The following BBS12 variants were observed in gnomAD, a reference collection of about 807,000 sequenced individuals.
BBS12 encodes the protein chaperonin-containing T-complex member BBS12.
In BBS12, 5 loss-of-function variants were observed where a neutral mutation model predicts 5.6. The observed-to-expected ratio is 0.89, with a 90% CI of 0.46 to 1.86. The LOEUF is 1.86. Ranked by LOEUF, BBS12 falls within the 40% of genes most tolerant of loss-of-function variation. The probability of loss-of-function intolerance (pLI) is 0.01; values close to 1 mark genes in which losing one functional copy is unlikely to be tolerated. For synonymous variants in BBS12, 308 were observed against 306.8 expected (o/e 1.00, Z -0.04); for missense variants, 748 against 830.4 (o/e 0.90, Z 1.22).
At chr4:122,740,647 AATGC>A (rs2150735093) in intron 1 of BBS12, among the ~76,000 whole-genome samples, 1 of 152,298 alleles carries the variant, frequency 6.6e-6, no homozygotes, top group East Asian at 1.9e-4. Context: ...ATACTCACTA[AATGC>A]ATGAATGAAT....
At chr4:122,738,846 C>T (rs183428602) in intron 1 of BBS12, among the ~76,000 whole-genome samples, 19 of 152,132 alleles carry the variant, frequency 1.2e-4, no homozygotes, top group African/African-American at 4.6e-4. Context: ...CAAAATATTA[C>T]AAAAGCAAAA....
At position 122,732,781 on chromosome 4, in the gene BBS12, C is replaced by A. The variant is rs1305377164; in HGVS notation, c.-114C>A. 1 of 152,434 alleles carries A rather than the reference C, an allele frequency of 6.6e-6. No homozygotes were observed. Among genetic ancestry groups the A allele is most frequent in the Non-Finnish European group, 1.5e-5 (1 of 68,218 alleles). The allele number at this position is 152,434 out of a possible 1,614,324, so 9.4% of individuals were successfully genotyped here. ...CAAACTGCGGACGGGGAACTGGGCT[C>A]CCTAGCCCTGGCGTTTTTGGTGTTG... On this transcript the variant is annotated 5_prime_UTR_variant, in exon 1 of 2. Coordinates refer to ENST00000314218, the MANE Select transcript of BBS12 (RefSeq NM_152618.3).
intron 1 of BBS12, among the ~76,000 whole-genome samples, chr4:122,734,758 A>G (rs1800760434): frequency 6.6e-6 from 1 of 152,186 alleles, no homozygotes; most frequent in Non-Finnish European, 1.5e-5. Flanking sequence ...TATATTTGGA[A>G]TATTTACTGC....
the BBS12 span, among the ~76,000 whole-genome samples, chr4:122,718,850 G>A: frequency 6.6e-6 from 1 of 152,064 alleles, no homozygotes; most frequent in African/African-American, 2.4e-5. Flanking sequence ...AGGGAGTCTC[G>A]CTCTGTCACC....
the BBS12 span, among the ~76,000 whole-genome samples, chr4:122,710,714 T>A: frequency 2.0e-5 from 3 of 151,782 alleles, no homozygotes; most frequent in Non-Finnish European, 4.4e-5. Context: ...TTTTTTTTTT[T>A]AATACGTAAA....
chr4:122,743,792 T>G lies in BBS12; in HGVS notation c.1900T>G (p.Ser634Ala). The G allele has an allele frequency of 1.2e-6, 2 of 1,613,740 alleles. No homozygotes were observed. Among genetic ancestry groups the G allele is most frequent in the Non-Finnish European group, 1.7e-6 (2 of 1,179,848 alleles). Residue 634 changes from serine (S) to alanine (A), a missense_variant, in exon 2 of 2, where the codon TCT becomes GCT. Coordinates refer to ENST00000314218, the MANE Select transcript of BBS12 (RefSeq NM_152618.3). Reference sequence around the variant, plus strand: ...TGCCACAGACTCTGGCTCTCCTTCATCTTACATCTTGAATGAATATAGTAA... The same window carrying G: ...TGCCACAGACTCTGGCTCTCCTTCAGCTTACATCTTGAATGAATATAGTAA... ...QNATDSGSPS[S>A]YILNEYSKLN...
Position 122,742,795 on chromosome 4 carries a change from A to AGGC in BBS12, c.904_906dup (p.Gly302dup). 2 of 1,614,252 alleles carry AGGC rather than the reference A, an allele frequency of 1.2e-6. No homozygotes were observed. Among genetic ancestry groups the AGGC allele is most frequent in the South Asian group, 1.1e-5 (1 of 91,088 alleles). On this transcript the variant is annotated inframe_insertion, in exon 2 of 2. Transcript: ENST00000314218. The stretch of plus-strand genomic sequence containing the variant: ...AATATCAGAATGCTTGTGTGCAACA[A>AGGC]GGCAACTGTACAAAACCATTTATGT...
intron 1 of BBS12, among the ~76,000 whole-genome samples, chr4:122,741,184 T>G (rs6833709): frequency 0.18 from 27,803 of 152,168 alleles, 3,636 homozygotes; most frequent in East Asian, 0.65. Flanking sequence ...CATGTTTTTT[T>G]TTGTTGTTGT....
chr4:122,712,683 A>T, the BBS12 span, among the ~76,000 whole-genome samples: 1 of 152,214 alleles, frequency 6.6e-6, no homozygotes, highest in Non-Finnish European at 1.5e-5. Flanking sequence ...GCCCTTTCAC[A>T]TATAGTGCCA....
the BBS12 span, among the ~76,000 whole-genome samples, chr4:122,704,226 C>G: frequency 6.6e-6 from 1 of 152,190 alleles, no homozygotes; most frequent in Non-Finnish European, 1.5e-5. Context: ...AACAGTAAAA[C>G]AGCAAAAGAA....
chr4:122,742,454 A>G lies in BBS12; in HGVS notation c.562A>G (p.Asn188Asp). ...TGCCTCTCAAACACTGACCATTTCC[A>G]ACCTTTCTGGGAGACCTCTTAAATC... ...DVASQTLTIS[N>D]LSGRPLKSYE... is the part of the protein sequence containing the mutation. Residue 188 changes from asparagine (N) to aspartate (D), a missense_variant, in exon 2 of 2, where the codon AAC becomes GAC. Transcript: ENST00000314218. The G allele has an allele frequency of 1.2e-6, 2 of 1,614,218 alleles. No individual in the cohort carries two copies. Among genetic ancestry groups the G allele is most frequent in the Non-Finnish European group, 1.7e-6 (2 of 1,180,028 alleles).
Position 122,743,181 on chromosome 4 carries a change from A to T in BBS12, c.1289A>T (p.Lys430Met). 1 of 1,614,202 alleles carries T rather than the reference A, an allele frequency of 6.2e-7. No homozygotes were observed. Among genetic ancestry groups the T allele is most frequent in the East Asian group, 2.2e-5 (1 of 44,888 alleles). The change falls in exon 2 of 2, where the codon AAG (lysine) becomes ATG (methionine). Residue 430 changes from lysine (K) to methionine (M), a missense_variant. Physicochemically the swap from Lys to Met is moderately conservative, Grantham distance 95 (BLOSUM62 -1). Transcript: ENST00000314218. The part of the protein sequence containing the change: ...ERLIEKCINS[K>M]RLVIGSVNGS... ...TTAATTGAAAAATGTATAAACAGTA[A>T]GCGGTTGGTAATCGGCTCAGTGAAT... is the stretch of plus-strand genomic sequence containing the variant.
At position 122,743,647 on chromosome 4, in the gene BBS12, A is replaced by T; in HGVS notation, c.1755A>T (p.Pro585=). Residue 585 remains proline, a synonymous_variant, in exon 2 of 2, where the codon CCA becomes CCT. Transcript: ENST00000314218. ...CTTCATCTCTGGCAATATACAGACC[A>T]ACTGTGCTTAAATTCCTGGCAAATG... ...WLASSLAIYR[P]TVLKFLANGW... 1.2e-6 allele frequency: 2 copies of T among 1,614,152 alleles called. No homozygotes were observed. The highest frequency in any genetic ancestry group is 1.7e-6 in the Non-Finnish European group (2 of 1,180,004).
At chr4:122,735,332 G>A (rs1215915987) in intron 1 of BBS12, among the ~76,000 whole-genome samples, 4 of 152,186 alleles carry the variant, frequency 2.6e-5, no homozygotes, top group Non-Finnish European at 5.9e-5. Flanking sequence ...ATAAGGAAAG[G>A]TGGGAGAAGA....
In BBS12 at chr4:122,743,176, C is replaced by T. The variant is rs1560707935; in HGVS notation, c.1284C>T (p.Asn428=). The T allele has an allele frequency of 6.2e-7, 1 of 1,614,188 alleles. No homozygotes were observed. The highest frequency in any genetic ancestry group is 8.5e-7 in the Non-Finnish European group (1 of 1,180,038). Residue 428 remains asparagine, a synonymous_variant, in exon 2 of 2, where the codon AAC becomes AAT. Coordinates refer to ENST00000314218, the MANE Select transcript of BBS12 (RefSeq NM_152618.3). ...AACGCTTAATTGAAAAATGTATAAA[C>T]AGTAAGCGGTTGGTAATCGGCTCAG... The part of the protein sequence containing the change: ...VSERLIEKCI[N]SKRLVIGSVN...
At position 122,742,654 on chromosome 4, in the gene BBS12, A is replaced by G; in HGVS notation, c.762A>G (p.Glu254=). 1 of 1,614,248 alleles carries G rather than the reference A, an allele frequency of 6.2e-7. No homozygotes were observed. Among genetic ancestry groups the G allele is most frequent in the Non-Finnish European group, 8.5e-7 (1 of 1,180,038 alleles). ...EGVSKPDGFQ[E]HVTATHKTYR... ...TAAGCAAACCAGATGGATTTCAAGA[A>G]CATGTTACAGCTACTCACAAAACTT... Residue 254 remains glutamate (E), a synonymous_variant, in exon 2 of 2, where the codon GAA becomes GAG. Coordinates refer to ENST00000314218, the MANE Select transcript of BBS12 (RefSeq NM_152618.3).
At chr4:122,722,898 T>C in the BBS12 span, among the ~76,000 whole-genome samples, 1 of 152,192 alleles carries the variant, frequency 6.6e-6, no homozygotes, top group Admixed American at 6.5e-5. Flanking sequence ...ATAAAGGACA[T>C]TCTGTTCTTA....
Position 122,742,181 on chromosome 4 carries a change from A to G in BBS12, c.289A>G (p.Ser97Gly), listed in dbSNP as rs1162049439. The G allele has an allele frequency of 5.0e-6, 8 of 1,613,856 alleles. No homozygotes were observed. Among genetic ancestry groups the G allele is most frequent in the Non-Finnish European group, 5.1e-6 (6 of 1,180,046 alleles). Residue 97 changes from serine to glycine, a missense_variant, in exon 2 of 2, where the codon AGT becomes GGT. By Grantham distance (56) the Ser-to-Gly change is moderately conservative. Transcript: ENST00000314218. ...TLLFLVGAWSSAVEECLHLGV... is the reference protein window; with the variant it reads ...TLLFLVGAWSGAVEECLHLGV... ...TTTGTTTCTTGTTGGTGCTTGGAGC[A>G]GTGCAGTTGAAGAATGTCTTCATCT...
chr4:122,709,714 GC>G, the BBS12 span, among the ~76,000 whole-genome samples: 1 of 151,962 alleles, frequency 6.6e-6, no homozygotes, highest in African/African-American at 2.4e-5. Flanking sequence ...GGTTGCAGTG[GC>G]GTGACCTTGG....
Sources: gnomAD v4.1 joint callset for allele counts (sites outside exome capture counted in the v4.1 genomes callset) on GRCh38, gnomAD v4.1.1 for gene constraint, MANE v1.5 for transcripts, NCBI Gene and HGNC (gene_info 2026-07-23, HGNC 2026-07-21) for gene names.